CRACD: variants seen among roughly 807,000 people sequenced by gnomAD.
CRACD encodes the protein capping protein inhibiting regulator of actin dynamics, also known as capping protein-inhibiting regulator of actin dynamics.
A neutral mutation model predicts 106.8 loss-of-function variants in CRACD; 56 were observed. That is an observed-to-expected ratio of 0.52 (90% CI 0.42 to 0.66). The LOEUF (loss-of-function observed/expected upper bound fraction) is 0.66, where lower values mean the gene tolerates loss of function less well. Ranked by LOEUF, CRACD falls within the 30% of genes least tolerant of loss-of-function variation. The pLI is 0.00. For missense variants in CRACD, 1,730 were observed against 1,623.2 expected (o/e 1.07, Z -1.13); for synonymous variants, 754 against 670.8 (o/e 1.12, Z -1.92).
At chr4:56,172,278 G>A (rs1276755807) in intron 1 of CRACD, among the ~76,000 whole-genome samples, 1 of 152,092 alleles carries the variant, frequency 6.6e-6, no homozygotes, top group Admixed American at 6.6e-5. Flanking sequence ...AAAAACTGAA[G>A]CCATCTTGAT....
chr4:56,107,299 A>G (rs376557657), intron 1 of CRACD, among the ~76,000 whole-genome samples: 5 of 152,070 alleles, frequency 3.3e-5, no homozygotes, highest in East Asian at 3.9e-4. Context: ...GCCATTTTCT[A>G]TGTGACCTTG....
At chr4:56,094,120 T>C (rs1733516252) in intron 1 of CRACD, among the ~76,000 whole-genome samples, 1 of 152,256 alleles carries the variant, frequency 6.6e-6, no homozygotes, top group African/African-American at 2.4e-5. Flanking sequence ...TACTGTTTTA[T>C]TAAATATCTG....
chr4:56,054,845 A>C (rs1035119886), intron 1 of CRACD, among the ~76,000 whole-genome samples: 2 of 152,218 alleles, frequency 1.3e-5, no homozygotes, highest in Non-Finnish European at 2.9e-5. Context: ...TCAGAAATGG[A>C]AACATAAATA....
intron 1 of CRACD, among the ~76,000 whole-genome samples, chr4:56,133,933 G>A (rs1304118803): frequency 6.6e-6 from 1 of 152,114 alleles, no homozygotes; most frequent in Non-Finnish European, 1.5e-5. Flanking sequence ...GGGGCGGGGT[G>A]GCTCACACCT....
At chr4:56,250,009 A>C (rs1484748855) in intron 2 of CRACD, among the ~76,000 whole-genome samples, 1 of 152,252 alleles carries the variant, frequency 6.6e-6, no homozygotes, top group Non-Finnish European at 1.5e-5. Context: ...TGGGTAAAAC[A>C]AGATAAAGAA....
intron 1 of CRACD, among the ~76,000 whole-genome samples, chr4:56,144,951 G>C (rs1039902449): frequency 5.3e-5 from 8 of 152,020 alleles, no homozygotes; most frequent in Admixed American, 4.6e-4. Flanking sequence ...ACCATGCCCA[G>C]CTAATTTTGT....
At chr4:56,222,594 T>C (rs1345928736) in intron 2 of CRACD, among the ~76,000 whole-genome samples, 1 of 152,140 alleles carries the variant, frequency 6.6e-6, no homozygotes, top group Non-Finnish European at 1.5e-5. Flanking sequence ...AGAATTCACT[T>C]TATGCCTTTT....
chr4:56,227,275 A>C (rs1739352574), intron 2 of CRACD, among the ~76,000 whole-genome samples: 1 of 152,176 alleles, frequency 6.6e-6, no homozygotes, highest in Non-Finnish European at 1.5e-5. Flanking sequence ...TCTGCTTGTA[A>C]CATTTCTTCT....
intron 2 of CRACD, among the ~76,000 whole-genome samples, chr4:56,231,579 A>G (rs1577773000): frequency 6.6e-6 from 1 of 152,306 alleles, no homozygotes; most frequent in East Asian, 1.9e-4. Flanking sequence ...ACGAGAAGCT[A>G]CCCAAATGCC....
chr4:56,265,240 C>T (rs1218953725), intron 2 of CRACD, among the ~76,000 whole-genome samples: 1 of 152,150 alleles, frequency 6.6e-6, no homozygotes, highest in Non-Finnish European at 1.5e-5. Flanking sequence ...AGAAAAGGAT[C>T]ACAAAATTCT....
intron 1 of CRACD, among the ~76,000 whole-genome samples, chr4:56,104,375 C>CAG (rs141368106): frequency 2.0e-5 from 3 of 152,020 alleles, no homozygotes; most frequent in East Asian, 3.9e-4. Flanking sequence ...GCCTGGGCGA[C>CAG]AGAGAGAGAG....
chr4:56,206,592 T>A (rs1308714546), intron 2 of CRACD, among the ~76,000 whole-genome samples: 1 of 152,186 alleles, frequency 6.6e-6, no homozygotes, highest in Non-Finnish European at 1.5e-5. Flanking sequence ...CAAAACCTGG[T>A]CTGTTTTGGA....
chr4:56,322,720 T>C (rs1746180030), intron 8 of CRACD, among the ~76,000 whole-genome samples: 1 of 152,186 alleles, frequency 6.6e-6, no homozygotes, highest in African/African-American at 2.4e-5. Context: ...TGGCTAAAAA[T>C]AAATTTCATT....
At chr4:56,265,624 C>T (rs1221334103) in intron 2 of CRACD, among the ~76,000 whole-genome samples, 2 of 152,168 alleles carry the variant, frequency 1.3e-5, no homozygotes, top group Non-Finnish European at 2.9e-5. Context: ...TGCATATCCT[C>T]TGCTCTTTTG....
At chr4:56,117,212 G>A (rs1734324358) in intron 1 of CRACD, among the ~76,000 whole-genome samples, 2 of 151,782 alleles carry the variant, frequency 1.3e-5, no homozygotes, top group African/African-American at 4.8e-5. Context: ...TAGTAGAGAC[G>A]GGGTTTCACC....
At chr4:56,302,310 G>A (rs750396957) in intron 4 of CRACD, among the ~76,000 whole-genome samples, 2 of 152,228 alleles carry the variant, frequency 1.3e-5, no homozygotes, top group Non-Finnish European at 2.9e-5. Context: ...GAGGGTGCCT[G>A]TTTGTGTAAG....
At chr4:56,077,284 A>G (rs1452995617) in intron 1 of CRACD, among the ~76,000 whole-genome samples, 2 of 152,212 alleles carry the variant, frequency 1.3e-5, no homozygotes, top group Non-Finnish European at 2.9e-5. Flanking sequence ...TTATAAAACC[A>G]TCAGATCTCA....
chr4:56,213,325 A>G (rs1259730037), intron 2 of CRACD, among the ~76,000 whole-genome samples: 1 of 152,180 alleles, frequency 6.6e-6, no homozygotes, highest in Non-Finnish European at 1.5e-5. Context: ...GTATGCCTGT[A>G]ATCCCAGCCA....
At chr4:56,271,105 C>CA (rs569383234) in intron 2 of CRACD, among the ~76,000 whole-genome samples, 533 of 60,858 alleles carry the variant, frequency 8.8e-3, no homozygotes, top group Middle Eastern at 0.019. Flanking sequence ...AACTCCATCT[C>CA]AAAAAAAAAA....
Sources: gnomAD v4.1 joint callset for allele counts (sites outside exome capture counted in the v4.1 genomes callset) on GRCh38, gnomAD v4.1.1 for gene constraint, MANE v1.5 for transcripts, NCBI Gene and HGNC (gene_info 2026-07-23, HGNC 2026-07-21) for gene names.